Variants in KCNK9 observed in about 807,000 individuals in gnomAD.
KCNK9 encodes potassium channel subfamily K member 9.
In KCNK9, 1 loss-of-function variant was observed where a neutral mutation model predicts 10.8. The ratio of observed to expected loss-of-function variants is 0.09; its 90% CI spans 0.03 to 0.44. KCNK9 has a LOEUF of 0.44. KCNK9 is among the 20% of genes least tolerant of loss of function. KCNK9 has a pLI of 0.97. For synonymous variants in KCNK9, 231 were observed against 222.7 expected, an observed-to-expected ratio of 1.04 and a Z score of -0.33; for missense variants, 303 against 515.0, an observed-to-expected ratio of 0.59 and a Z score of 3.98.
chr8:139,671,013 C>T (rs537082151), intron 1 of KCNK9, among the ~76,000 whole-genome samples: 2 of 152,328 alleles, frequency 1.3e-5, no homozygotes, highest in East Asian at 1.9e-4. Flanking sequence ...CGGAGAACCT[C>T]GCTCTGTTCT....
chr8:139,610,131 G>C (rs757120126), downstream of KCNK9, among the ~76,000 whole-genome samples: 1 of 152,232 alleles, frequency 6.6e-6, no homozygotes, highest in Non-Finnish European at 1.5e-5. Flanking sequence ...ATATTTCTAA[G>C]TCCTGATGGG....
chr8:139,617,286 A>G lies in KCNK9; in HGVS notation c.*972T>C, dbSNP rs1814628024. On this transcript the variant is annotated 3_prime_UTR_variant, in exon 2 of 2. Coordinates refer to ENST00000520439, the MANE Select transcript of KCNK9 (RefSeq NM_001282534.2). ...GCACAAAATCATCAATAAGAGGGAA[A>G]TAGATACTCTGGGGTTCCAACAATT... 6.6e-6 allele frequency among the ~76,000 whole-genome samples: 1 copy of G among 152,206 alleles called. No homozygotes were observed. The highest frequency in any genetic ancestry group is 2.4e-5 in the African/African-American group (1 of 41,456).
intron 1 of KCNK9, among the ~76,000 whole-genome samples, chr8:139,635,903 G>T (rs1815323697): frequency 6.6e-6 from 1 of 152,112 alleles, no homozygotes; most frequent in African/African-American, 2.4e-5. Context: ...AAATGTGTGT[G>T]CTATCATATT....
At chr8:139,674,075 C>A (rs560680355) in intron 1 of KCNK9, among the ~76,000 whole-genome samples, 1 of 152,204 alleles carries the variant, frequency 6.6e-6, no homozygotes, top group Non-Finnish European at 1.5e-5. Context: ...AGCCAACCCA[C>A]GTGGGGTGTA....
intron 1 of KCNK9, among the ~76,000 whole-genome samples, chr8:139,680,382 C>T (rs761751306): frequency 5.9e-5 from 9 of 152,300 alleles, no homozygotes; most frequent in East Asian, 1.9e-4. Context: ...GCCATTATCC[C>T]GGGCCTACAA....
At chr8:139,614,206 C>T (rs1814512921), downstream of KCNK9, among the ~76,000 whole-genome samples, 1 of 152,150 alleles carries the variant, frequency 6.6e-6, no homozygotes, top group Admixed American at 6.5e-5. Context: ...AACGACCTGC[C>T]TAGGCTTATC....
At chr8:139,672,408 A>G (rs989780708) in intron 1 of KCNK9, among the ~76,000 whole-genome samples, 4 of 152,294 alleles carry the variant, frequency 2.6e-5, no homozygotes, top group South Asian at 2.1e-4. Flanking sequence ...CTGCTCAGAC[A>G]ATGTTCTGGG....
At chr8:139,651,609 C>T (rs1473273209) in intron 1 of KCNK9, among the ~76,000 whole-genome samples, 1 of 152,180 alleles carries the variant, frequency 6.6e-6, no homozygotes, top group Non-Finnish European at 1.5e-5. Context: ...GGTGTTGGAC[C>T]TTCTGTAGCG....
chr8:139,702,219 G>C lies in KCNK9; in HGVS notation c.283+491C>G, dbSNP rs1817238465. Among the ~76,000 whole-genome samples the C allele has an allele frequency of 6.6e-6, 1 of 152,198 alleles. No individual in the cohort carries two copies. Among genetic ancestry groups the C allele is most frequent in the South Asian group, 2.1e-4 (1 of 4,832 alleles). ...CCTGGAGCGGGGCCCAGGGGCTACG[G>C]AGGGTCAGTGCCTCTCACGCCCCAG... On this transcript the variant is annotated intron_variant, in intron 1 of 1. Transcript: ENST00000520439. The surrounding 1 kb of genome is among the most constrained non-coding windows in gnomAD (Gnocchi z 7.5).
At chr8:139,687,009 G>A (rs186375793) in intron 1 of KCNK9, among the ~76,000 whole-genome samples, 269 of 152,152 alleles carry the variant, frequency 1.8e-3, no homozygotes, top group African/African-American at 6.2e-3. Flanking sequence ...CCTAAAGAAT[G>A]CAAAGTAAGT....
At chr8:139,619,306 A>AG (rs1814704142) in intron 1 of KCNK9, among the ~76,000 whole-genome samples, 1 of 151,862 alleles carries the variant, frequency 6.6e-6, no homozygotes, top group South Asian at 2.1e-4. Context: ...ACATGAGGTT[A>AG]GGGGATGGCA....
intron 1 of KCNK9, among the ~76,000 whole-genome samples, chr8:139,625,612 C>G (rs1172513244): frequency 6.6e-6 from 1 of 152,192 alleles, no homozygotes; most frequent in Non-Finnish European, 1.5e-5. Flanking sequence ...CATCACCCAG[C>G]CTGATTTTCA....
intron 1 of KCNK9, among the ~76,000 whole-genome samples, chr8:139,643,409 A>G (rs928038004): frequency 6.6e-6 from 1 of 152,308 alleles, no homozygotes; most frequent in African/African-American, 2.4e-5. Flanking sequence ...CTCTCCCTTC[A>G]GGACTCAGCT....
At chr8:139,661,887 C>T (rs544185927) in intron 1 of KCNK9, among the ~76,000 whole-genome samples, 2 of 152,332 alleles carry the variant, frequency 1.3e-5, no homozygotes, top group South Asian at 4.1e-4. Context: ...GAGGCTCACT[C>T]CCCTTTCTCT....
Position 139,632,034 on chromosome 8 carries a change from A to G in KCNK9, c.284-12935T>C, listed in dbSNP as rs1196544090. Among the ~76,000 whole-genome samples the G allele has an allele frequency of 3.9e-5, 6 of 152,338 alleles. No individual in the cohort carries two copies. The South Asian group carries it at 6.2e-4, about 16-fold the overall frequency. ...GGTCAAACCAGACCAGATGAGAACC[A>G]TAAAACCCGATGCCTCTTGGGAGGT... On this transcript the variant is annotated intron_variant, in intron 1 of 1. Transcript: ENST00000520439.
chr8:139,636,310 C>G (rs928624425), intron 1 of KCNK9, among the ~76,000 whole-genome samples: 1 of 152,242 alleles, frequency 6.6e-6, no homozygotes, highest in Non-Finnish European at 1.5e-5. Context: ...GATGCCCGCC[C>G]TCTTCTCTGA....
chr8:139,685,440 A>G (rs1055794277), intron 1 of KCNK9, among the ~76,000 whole-genome samples: 4 of 152,082 alleles, frequency 2.6e-5, no homozygotes, highest in East Asian at 1.9e-4. Flanking sequence ...ACAGCCCCCA[A>G]TGCCTCAACA....
intron 1 of KCNK9, among the ~76,000 whole-genome samples, chr8:139,659,978 G>A (rs556741110): frequency 6.6e-6 from 1 of 152,272 alleles, no homozygotes; most frequent in Non-Finnish European, 1.5e-5. Flanking sequence ...GGAAAAAGTG[G>A]GAGGGATGGA....
chr8:139,684,586 A>G (rs889238757), intron 1 of KCNK9, among the ~76,000 whole-genome samples: 2 of 152,244 alleles, frequency 1.3e-5, no homozygotes, highest in Admixed American at 1.3e-4. Context: ...AAAGGATCAA[A>G]CAGAATTTTA....
Sources: allele counts gnomAD v4.1 joint callset (sites outside exome capture counted in the v4.1 genomes callset), GRCh38; gene constraint gnomAD v4.1.1; non-coding constraint Gnocchi (gnomAD v3.1); transcripts MANE v1.5; gene names NCBI Gene and HGNC (gene_info 2026-07-23, HGNC 2026-07-21).